PVT1: variants seen among roughly 807,000 people sequenced by gnomAD.
PVT1 encodes the protein CXCR4/PVT1 fusion.
At chr8:127,949,745 T>C (rs1816480891) in intron 3 of PVT1, among the ~76,000 whole-genome samples, 1 of 152,220 alleles carries the variant, frequency 6.6e-6, no homozygotes, top group African/African-American at 2.4e-5. Context: ...CCGCCTCTTT[T>C]ACGAAGCGGC....
chr8:128,073,520 G>T (rs114868703), intron 5 of PVT1, among the ~76,000 whole-genome samples: 1 of 151,962 alleles, frequency 6.6e-6, no homozygotes, highest in Non-Finnish European at 1.5e-5. Context: ...CCAATTTTTC[G>T]GCGTGGGGCT....
intron 3 of PVT1, among the ~76,000 whole-genome samples, chr8:127,902,841 G>A (rs1012097084): frequency 2.0e-5 from 3 of 152,118 alleles, no homozygotes; most frequent in Admixed American, 6.6e-5. Context: ...CACCACTGAC[G>A]GGCATTTATG....
intron 4 of PVT1, among the ~76,000 whole-genome samples, chr8:128,042,945 G>A (rs1022839341): frequency 9.9e-5 from 15 of 151,762 alleles, no homozygotes; most frequent in African/African-American, 3.4e-4. Context: ...TGTATTTTTA[G>A]TAGAGACAGG....
chr8:127,818,009 T>C (rs1205912557), intron 2 of PVT1, among the ~76,000 whole-genome samples: 2 of 152,188 alleles, frequency 1.3e-5, no homozygotes, highest in African/African-American at 2.4e-5. Flanking sequence ...GCAGAACTGA[T>C]GCCCAGGAGA....
chr8:127,931,956 G>A (rs887935884), intron 3 of PVT1, among the ~76,000 whole-genome samples: 4 of 152,204 alleles, frequency 2.6e-5, no homozygotes, highest in African/African-American at 9.7e-5. Flanking sequence ...GCATAACAAC[G>A]GGTTACTCAT....
In PVT1 at chr8:127,799,099, ATCTTT is replaced by A. The variant is rs149454412; in HGVS notation, n.372+3031_372+3035del. Among the ~76,000 whole-genome samples the A allele has an allele frequency of 5.1e-3, 760 of 148,042 alleles. 9 individuals are homozygous for A. Among genetic ancestry groups the A allele is most frequent in the African/African-American group, 0.018 (720 of 40,146 alleles). On this transcript the variant is annotated intron_variant and non_coding_transcript_variant, in intron 2 of 10. Transcript: ENST00000651587. Reference sequence around the variant, plus strand: ...GAACTATCTGTTTTTTTTTTCCTTTATCTTTTCCTTTTTGTGTGTGTGTGGAGTTA... The same window carrying A: ...GAACTATCTGTTTTTTTTTTCCTTTATCCTTTTTGTGTGTGTGTGGAGTTA...
chr8:128,012,950 A>C (rs973184333), intron 4 of PVT1, among the ~76,000 whole-genome samples: 1 of 152,200 alleles, frequency 6.6e-6, no homozygotes, highest in Non-Finnish European at 1.5e-5. Flanking sequence ...GGTGTGGGGC[A>C]GGTTTGCACA....
intron 4 of PVT1, chr8:127,996,564 G>A (rs1384519259): frequency 6.6e-6 from 1 of 152,014 alleles, no homozygotes; most frequent in African/African-American, 2.4e-5. Context: ...TTTGCAGAGT[G>A]TGGGCACCCT....
intron 4 of PVT1, among the ~76,000 whole-genome samples, chr8:128,035,618 G>T (rs566154382): frequency 2.0e-5 from 3 of 152,212 alleles, no homozygotes; most frequent in Non-Finnish European, 4.4e-5. Context: ...TGGGACCTTC[G>T]ACTGTTATCT....
intron 3 of PVT1, among the ~76,000 whole-genome samples, chr8:127,984,429 A>C (rs572453187): frequency 1.4e-4 from 21 of 152,330 alleles, no homozygotes; most frequent in Non-Finnish European, 1.0e-4. Context: ...AATCCAGACT[A>C]TCTGTCCTGA....
chr8:128,081,276 G>A (rs1814173344), intron 5 of PVT1, among the ~76,000 whole-genome samples: 1 of 152,172 alleles, frequency 6.6e-6, no homozygotes, highest in Non-Finnish European at 1.5e-5. Flanking sequence ...ACCACAGATT[G>A]TTTATCTATT....
At chr8:127,809,052 A>ACG (rs1554588312) in intron 2 of PVT1, among the ~76,000 whole-genome samples, 1 of 135,030 alleles carries the variant, frequency 7.4e-6, no homozygotes, top group African/African-American at 3.1e-5. Flanking sequence ...AAAAAAAAAA[A>ACG]AAAGAAAGAA....
chr8:127,821,737 G>A (rs147097802), intron 2 of PVT1, among the ~76,000 whole-genome samples: 2,236 of 152,152 alleles, frequency 0.015, 31 homozygotes, highest in Non-Finnish European at 0.022. Context: ...GCGTGAATCC[G>A]GGAGGCGGAG....
chr8:128,030,130 A>T (rs901055125), intron 4 of PVT1, among the ~76,000 whole-genome samples: 11 of 152,114 alleles, frequency 7.2e-5, no homozygotes, highest in Non-Finnish European at 1.5e-4. Context: ...AGAAAAATTA[A>T]AAAAACCTTT....
intron 4 of PVT1, among the ~76,000 whole-genome samples, chr8:127,997,406 T>C (rs551773778): frequency 1.3e-5 from 2 of 152,282 alleles, no homozygotes; most frequent in South Asian, 4.1e-4. Flanking sequence ...ATGGCCGCCA[T>C]AGTCCCTCCC....
intron 5 of PVT1, among the ~76,000 whole-genome samples, chr8:128,074,413 C>T (rs1311148921): frequency 6.6e-6 from 1 of 151,508 alleles, no homozygotes; most frequent in Non-Finnish European, 1.5e-5. Flanking sequence ...ATCCCAGCTA[C>T]TCAGGAGGCT....
In PVT1 at chr8:127,943,880, G is replaced by A. The variant is rs938147927; in HGVS notation, n.783-45282G>A. Among the ~76,000 whole-genome samples, 4 of 152,154 alleles carry A rather than the reference G, an allele frequency of 2.6e-5. No individual in the cohort carries two copies. The South Asian group carries it at 6.2e-4, about 24-fold the overall frequency. On this transcript the variant is annotated intron_variant and non_coding_transcript_variant, in intron 3 of 10. Coordinates refer to ENST00000651587, the Ensembl canonical transcript of PVT1. ...TTCATCCCCAATGTGGAAGATGAGCGTTCCGTTCCTGGCTGTAGGATGTGG... is the reference window on the plus strand; with the variant it reads ...TTCATCCCCAATGTGGAAGATGAGCATTCCGTTCCTGGCTGTAGGATGTGG...
At chr8:127,979,619 C>T (rs1816860846) in intron 3 of PVT1, among the ~76,000 whole-genome samples, 1 of 152,172 alleles carries the variant, frequency 6.6e-6, no homozygotes, top group Admixed American at 6.5e-5. Flanking sequence ...GTAACAATGT[C>T]CCAACAAAGG....
chr8:128,064,684 T>A (rs1813880594), intron 4 of PVT1, among the ~76,000 whole-genome samples: 1 of 152,194 alleles, frequency 6.6e-6, no homozygotes, highest in Non-Finnish European at 1.5e-5. Flanking sequence ...TACTGATATT[T>A]CAAAGACCCA....
Sources: allele counts gnomAD v4.1 joint callset (sites outside exome capture counted in the v4.1 genomes callset), GRCh38; gene constraint gnomAD v4.1.1; transcripts MANE v1.5; gene names NCBI Gene and HGNC (gene_info 2026-07-23, HGNC 2026-07-21).